RBFOX1: variants seen among roughly 807,000 people sequenced by gnomAD.
RBFOX1 encodes RNA binding protein fox-1 homolog 1.
In RBFOX1, 8 loss-of-function variants were observed where a neutral mutation model predicts 57.7. That is an observed-to-expected ratio of 0.14 (90% confidence interval 0.08 to 0.25). The LOEUF is 0.25. RBFOX1 is among the 10% of genes least tolerant of loss of function. RBFOX1 has a pLI of 1.00. For synonymous variants in RBFOX1, 326 were observed against 222.4 expected, an observed-to-expected ratio of 1.47 and a Z score of -4.15; for missense variants, 611 against 548.5, an observed-to-expected ratio of 1.11 and a Z score of -1.14.
rs189366989 is a variant in RBFOX1 at position 6,921,158 on chromosome 16, G to A, written c.-15-130899G>A. 2.0e-5 allele frequency among the ~76,000 whole-genome samples: 3 copies of A among 152,178 alleles called. No individual in the cohort carries two copies. The East Asian group carries it at 5.8e-4, about 29-fold the overall frequency. ...GCTGCCATCTCTTCATTTAGGAAAT[G>A]GTGATATTCATCTTAACTAAATGCA... On this transcript the variant is annotated intron_variant, in intron 3 of 15. Transcript: ENST00000550418.
At chr16:6,079,128 G>T (rs536717657) in intron 1 of RBFOX1, among the ~76,000 whole-genome samples, 1 of 149,334 alleles carries the variant, frequency 6.7e-6, no homozygotes, top group Non-Finnish European at 1.5e-5. Context: ...GACCAACATG[G>T]TGAAACCTCA....
intron 4 of RBFOX1, among the ~76,000 whole-genome samples, chr16:5,974,868 C>A (rs893025275): frequency 5.3e-5 from 8 of 151,878 alleles, no homozygotes; most frequent in African/African-American, 1.7e-4. Flanking sequence ...ATTAGCCGGG[C>A]ATGGTGGCAC....
chr16:5,714,013 C>G (rs770602939), intron 3 of RBFOX1, among the ~76,000 whole-genome samples: 9 of 152,154 alleles, frequency 5.9e-5, no homozygotes, highest in Non-Finnish European at 1.3e-4. Flanking sequence ...GGGCTTGTTA[C>G]CTAATTAGGA....
intron 4 of RBFOX1, among the ~76,000 whole-genome samples, chr16:7,488,252 G>A (rs918372706): frequency 6.6e-6 from 1 of 152,184 alleles, no homozygotes; most frequent in African/African-American, 2.4e-5. Flanking sequence ...GCCTGGTGTT[G>A]TTCTGGCATG....
chr16:7,287,652 TTGAC>T (rs1488729738), intron 4 of RBFOX1, among the ~76,000 whole-genome samples: 3 of 152,136 alleles, frequency 2.0e-5, no homozygotes, highest in African/African-American at 7.2e-5. Context: ...CTTGGATTGA[TTGAC>T]AATTTTGAAA....
At chr16:7,419,219 C>T (rs543024297) in intron 4 of RBFOX1, among the ~76,000 whole-genome samples, 9 of 152,224 alleles carry the variant, frequency 5.9e-5, no homozygotes, top group African/African-American at 2.2e-4. Context: ...CACCCCCAGC[C>T]AAGAGTTGTT....
chr16:6,209,434 G>A (rs780276546), intron 1 of RBFOX1, among the ~76,000 whole-genome samples: 6 of 152,100 alleles, frequency 3.9e-5, no homozygotes, highest in Non-Finnish European at 7.3e-5. Context: ...TTGTTAATCC[G>A]TCTATTTCCT....
At chr16:7,372,228 C>G (rs1370010861) in intron 4 of RBFOX1, among the ~76,000 whole-genome samples, 1 of 152,074 alleles carries the variant, frequency 6.6e-6, no homozygotes. Context: ...CTATTTGGGC[C>G]TCGGAGCTGG....
At chr16:6,683,678 C>G (rs994512398) in intron 3 of RBFOX1, among the ~76,000 whole-genome samples, 2 of 152,038 alleles carry the variant, frequency 1.3e-5, no homozygotes, top group African/African-American at 4.8e-5. Flanking sequence ...GAAAGCAAGC[C>G]CTCAGATCTG....
intron 2 of RBFOX1, among the ~76,000 whole-genome samples, chr16:6,333,165 G>C (rs886894740): frequency 6.6e-6 from 1 of 151,956 alleles, no homozygotes; most frequent in African/African-American, 2.4e-5. Flanking sequence ...TCAGCCTCCC[G>C]AGTAGCTGGG....
intron 7 of RBFOX1, among the ~76,000 whole-genome samples, chr16:7,590,198 T>G (rs1319489986): frequency 1.3e-5 from 2 of 151,776 alleles, no homozygotes; most frequent in African/African-American, 4.8e-5. Context: ...TCCCAGGAGG[T>G]CAAGGCTTTA....
intron 3 of RBFOX1, among the ~76,000 whole-genome samples, chr16:7,031,912 C>G (rs926425446): frequency 1.3e-4 from 20 of 152,106 alleles, no homozygotes; most frequent in Admixed American, 1.2e-3. Flanking sequence ...AGTATAATTA[C>G]GGAGGCCCTG....
intron 2 of RBFOX1, among the ~76,000 whole-genome samples, chr16:6,552,728 G>A (rs1438394999): frequency 6.6e-6 from 1 of 151,678 alleles, no homozygotes; most frequent in Non-Finnish European, 1.5e-5. Flanking sequence ...ACATATGTGT[G>A]TACATTTTAT....
At chr16:5,941,323 C>G (rs984232214) in intron 4 of RBFOX1, among the ~76,000 whole-genome samples, 1 of 151,824 alleles carries the variant, frequency 6.6e-6, no homozygotes, top group African/African-American at 2.4e-5. Context: ...GATCTTATCT[C>G]TACATTTTTT....
chr16:7,465,713 C>T (rs181185241), intron 4 of RBFOX1, among the ~76,000 whole-genome samples: 1 of 152,324 alleles, frequency 6.6e-6, no homozygotes, highest in Non-Finnish European at 1.5e-5. Context: ...TAGGAGCACT[C>T]ATTAAATGCA....
At chr16:6,707,380 C>G (rs535749915) in intron 3 of RBFOX1, among the ~76,000 whole-genome samples, 6 of 151,548 alleles carry the variant, frequency 4.0e-5, no homozygotes, top group Non-Finnish European at 8.8e-5. Flanking sequence ...TTAAAAACAT[C>G]ATTTTAGGGA....
At chr16:7,297,940 C>T (rs1012199218) in intron 4 of RBFOX1, among the ~76,000 whole-genome samples, 23 of 152,114 alleles carry the variant, frequency 1.5e-4, no homozygotes, top group African/African-American at 5.1e-4. Context: ...ATTTTACGCA[C>T]ATGCATATGC....
At chr16:7,606,420 C>T (rs1339869534) in intron 9 of RBFOX1, among the ~76,000 whole-genome samples, 3 of 152,192 alleles carry the variant, frequency 2.0e-5, no homozygotes, top group African/African-American at 7.2e-5. Flanking sequence ...TTCACCCAGC[C>T]CGCACGGATG....
intron 4 of RBFOX1, among the ~76,000 whole-genome samples, chr16:7,356,651 C>T (rs2097219257): frequency 2.0e-5 from 3 of 152,170 alleles, no homozygotes; most frequent in African/African-American, 4.8e-5. Flanking sequence ...TTGGTTTATT[C>T]GGTAAGCTTT....
Sources: allele counts gnomAD v4.1 joint callset (sites outside exome capture counted in the v4.1 genomes callset), GRCh38; gene constraint gnomAD v4.1.1; transcripts MANE v1.5; gene names NCBI Gene and HGNC (gene_info 2026-07-23, HGNC 2026-07-21).